Variants in LAMA2 observed in about 807,000 individuals in gnomAD.
The protein encoded by LAMA2 is laminin subunit alpha 2.
A neutral mutation model predicts 364.8 loss-of-function variants in LAMA2; 269 were observed. That is an observed-to-expected ratio of 0.74 (90% confidence interval 0.67 to 0.82). The LOEUF (loss-of-function observed/expected upper bound fraction) is 0.82. LAMA2 is among the 40% of genes least tolerant of loss of function. The pLI, the probability that LAMA2 is intolerant of heterozygous loss-of-function variation, is 0.00. For synonymous variants in LAMA2, 1,379 were observed against 1,370.6 expected, an observed-to-expected ratio of 1.01 and a Z score of -0.14; for missense variants, 3,807 against 3,873.2, an observed-to-expected ratio of 0.98 and a Z score of 0.45.
At chr6:129,107,298 G>A (rs1048835615) in intron 4 of LAMA2, among the ~76,000 whole-genome samples, 1 of 152,084 alleles carries the variant, frequency 6.6e-6, no homozygotes, top group Admixed American at 6.6e-5. Context: ...TAACCTCTAC[G>A]ATATGATAGT....
intron 4 of LAMA2, 40 bp from the exon 5 acceptor site, chr6:129,143,861 T>C: frequency 7.1e-7 from 1 of 1,408,498 alleles, no homozygotes; most frequent in Non-Finnish European, 9.9e-7. Flanking sequence ...ATTTAAATTT[T>C]GGAAAACATA....
At chr6:129,107,919 CT>C (rs1775925398) in intron 4 of LAMA2, among the ~76,000 whole-genome samples, 1 of 152,166 alleles carries the variant, frequency 6.6e-6, no homozygotes, top group Non-Finnish European at 1.5e-5. Context: ...GGAGTCCCCC[CT>C]CCTAGCAGTT....
intron 58 of LAMA2, among the ~76,000 whole-genome samples, chr6:129,499,698 T>C (rs1425180451): frequency 1.3e-5 from 2 of 152,094 alleles, no homozygotes; most frequent in Non-Finnish European, 2.9e-5. Context: ...AGCAATAAAC[T>C]GGTGCTGCCC....
At position 129,332,101 on chromosome 6, in the gene LAMA2, T is replaced by C. The variant is rs2494580; in HGVS notation, c.4311+3689T>C. On this transcript the variant is annotated intron_variant, in intron 29 of 64. Coordinates refer to ENST00000421865, the MANE Select transcript of LAMA2 (RefSeq NM_000426.4). ...TTCAGATGGTGATCTTACCCAGGCA[T>C]GTGGCTTTCTGTACTGAGATATTTT... Among the ~76,000 whole-genome samples the C allele has an allele frequency of 3.0e-3, 457 of 152,338 alleles. 1 individual carries two copies. Among genetic ancestry groups the C allele is most frequent in the African/African-American group, 0.01 (424 of 41,590 alleles).
At chr6:128,997,808 A>C (rs1784083613) in intron 1 of LAMA2, among the ~76,000 whole-genome samples, 1 of 152,090 alleles carries the variant, frequency 6.6e-6, no homozygotes. Context: ...AGAAAAAAAA[A>C]GTTTATACCT....
intron 3 of LAMA2, among the ~76,000 whole-genome samples, chr6:129,077,988 G>A (rs371505718): frequency 2.6e-5 from 4 of 152,126 alleles, no homozygotes; most frequent in Non-Finnish European, 5.9e-5. Flanking sequence ...GAGTGAAGCC[G>A]AATGTAAACT....
intron 35 of LAMA2, among the ~76,000 whole-genome samples, chr6:129,384,000 A>G (rs1284250563): frequency 6.6e-6 from 1 of 152,200 alleles, no homozygotes; most frequent in African/African-American, 2.4e-5. Flanking sequence ...ACTTTGCTTC[A>G]TAATGTAGCC....
chr6:129,073,316 G>A (rs887667437), intron 3 of LAMA2, among the ~76,000 whole-genome samples: 1 of 151,522 alleles, frequency 6.6e-6, no homozygotes, highest in East Asian at 1.9e-4. Context: ...TTTTGCTTTT[G>A]GTGTTCAGGG....
intron 45 of LAMA2, among the ~76,000 whole-genome samples, chr6:129,452,457 T>C (rs111234846): frequency 3.9e-4 from 59 of 152,300 alleles, no homozygotes; most frequent in African/African-American, 1.4e-3. Context: ...GTAGAATGAT[T>C]AATATTCTTC....
chr6:128,994,599 T>A (rs1339179830), intron 1 of LAMA2, among the ~76,000 whole-genome samples: 1 of 152,176 alleles, frequency 6.6e-6, no homozygotes, highest in Non-Finnish European at 1.5e-5. Context: ...AGATTATTTT[T>A]AAAATAGCTT....
chr6:129,303,077 C>T (rs1354045609), intron 22 of LAMA2, among the ~76,000 whole-genome samples: 1 of 152,090 alleles, frequency 6.6e-6, no homozygotes, highest in Non-Finnish European at 1.5e-5. Context: ...TTAGATATCC[C>T]AGTGTATGAA....
chr6:129,277,396 C>A (rs1356350064), intron 17 of LAMA2, among the ~76,000 whole-genome samples: 1 of 152,184 alleles, frequency 6.6e-6, no homozygotes, highest in Non-Finnish European at 1.5e-5. Flanking sequence ...TGAATGCCAT[C>A]TTCTGCCATA....
chr6:129,007,927 T>C (rs9321144), intron 1 of LAMA2, among the ~76,000 whole-genome samples: 4,053 of 152,308 alleles, frequency 0.027, 170 homozygotes, highest in African/African-American at 0.093. Flanking sequence ...TGCTATGGTA[T>C]GTGGGCTTTA....
At chr6:129,396,390 G>A (rs771527808) in intron 37 of LAMA2, among the ~76,000 whole-genome samples, 5 of 152,188 alleles carry the variant, frequency 3.3e-5, no homozygotes, top group Admixed American at 6.5e-5. Context: ...GAAGTGGAGA[G>A]GAATTGGAAG....
intron 27 of LAMA2, among the ~76,000 whole-genome samples, chr6:129,319,330 T>G (rs1774809941): frequency 6.6e-6 from 1 of 152,192 alleles, no homozygotes; most frequent in Admixed American, 6.5e-5. Flanking sequence ...AATGTCTAAT[T>G]AATTGGCCGT....
intron 17 of LAMA2, among the ~76,000 whole-genome samples, chr6:129,273,350 C>A (rs746401347): frequency 2.6e-5 from 4 of 152,158 alleles, no homozygotes; most frequent in Non-Finnish European, 4.4e-5. Context: ...AGTATTGCAT[C>A]TGGCCACTCG....
At chr6:129,056,614 C>G (rs1788507626) in intron 2 of LAMA2, among the ~76,000 whole-genome samples, 1 of 152,052 alleles carries the variant, frequency 6.6e-6, no homozygotes. Flanking sequence ...CCATAAATAG[C>G]TTAAAACATA....
intron 20 of LAMA2, chr6:129,292,975 G>A (rs1245582641): frequency 1.0e-6 from 1 of 985,888 alleles, no homozygotes; most frequent in East Asian, 1.1e-4. Context: ...GAGCAGCCGC[G>A]GAGAGCGCAA....
chr6:129,479,824 C>A (rs1309502217), intron 54 of LAMA2: 2 of 152,138 alleles, frequency 1.3e-5, no homozygotes, highest in African/African-American at 4.8e-5. Flanking sequence ...TAGCTACAGG[C>A]TCCAATTTGG....
Sources: allele counts gnomAD v4.1 joint callset (sites outside exome capture counted in the v4.1 genomes callset), GRCh38; gene constraint gnomAD v4.1.1; transcripts MANE v1.5; gene names NCBI Gene and HGNC (gene_info 2026-07-23, HGNC 2026-07-21).